The following PHAF1 variants were observed in gnomAD, a reference collection of about 807,000 sequenced individuals.
PHAF1 encodes the protein phagophore assembly factor 1, also known as phagosome assembly factor 1.
Under a neutral mutation model 63.1 loss-of-function variants are expected in PHAF1, and 23 were observed. The ratio of observed to expected loss-of-function variants is 0.36; its 90% CI spans 0.26 to 0.52. The LOEUF (loss-of-function observed/expected upper bound fraction) is 0.52. Ranked by LOEUF, PHAF1 falls within the 20% of genes least tolerant of loss-of-function variation. The pLI, the probability that PHAF1 is intolerant of heterozygous loss-of-function variation, is 0.93. For missense variants in PHAF1, 427 were observed against 517.2 expected, an observed-to-expected ratio of 0.83 and a Z score of 1.69; for synonymous variants, 167 against 185.0, an observed-to-expected ratio of 0.90 and a Z score of 0.79.
chr16:67,140,222 G>A, intron 9 of PHAF1, 105 bp downstream of exon 9: 2 of 1,378,504 alleles, frequency 1.5e-6, no homozygotes, highest in Middle Eastern at 2.6e-4. Context: ...TCTAAGTAAA[G>A]CTAATGGTAA....
intron 1 of PHAF1, among the ~76,000 whole-genome samples, chr16:67,116,577 C>A (rs758563814): frequency 3.9e-5 from 6 of 152,286 alleles, no homozygotes; most frequent in Non-Finnish European, 7.4e-5. Flanking sequence ...TGGCCACGTG[C>A]GGTGGCTCAC....
intron 8 of PHAF1, among the ~76,000 whole-genome samples, chr16:67,137,982 A>G (rs1963671468): frequency 6.6e-6 from 1 of 152,192 alleles, no homozygotes; most frequent in Non-Finnish European, 1.5e-5. Context: ...GGCTGCAGTG[A>G]TGCTTTTAAT....
chr16:67,119,837 T>C (rs771298738), intron 1 of PHAF1, among the ~76,000 whole-genome samples: 9 of 152,096 alleles, frequency 5.9e-5, no homozygotes, highest in Non-Finnish European at 8.8e-5. Flanking sequence ...CCATGCATGA[T>C]TTTTGTGATA....
chr16:67,114,365 G>T (rs1014023133), intron 1 of PHAF1, among the ~76,000 whole-genome samples: 1 of 151,558 alleles, frequency 6.6e-6, no homozygotes, highest in South Asian at 2.1e-4. Context: ...TAAAAAAAAA[G>T]AAATGATCTT....
At chr16:67,126,459 G>T (rs1458005721) in intron 3 of PHAF1, among the ~76,000 whole-genome samples, 2 of 152,172 alleles carry the variant, frequency 1.3e-5, no homozygotes, top group African/African-American at 4.8e-5. Context: ...TACCAGCAAT[G>T]AGTTGATTCT....
intron 10 of PHAF1, among the ~76,000 whole-genome samples, chr16:67,143,901 C>T (rs537085652): frequency 4.6e-5 from 7 of 151,790 alleles, no homozygotes; most frequent in East Asian, 1.9e-4. Context: ...CCAGGCTGGC[C>T]AACATGGTGA....
At chr16:67,120,269 A>G (rs1386235260) in intron 2 of PHAF1, 75 bp downstream of exon 2, 7 of 1,377,288 alleles carry the variant, frequency 5.1e-6, no homozygotes, top group Non-Finnish European at 6.1e-6. Flanking sequence ...ATGCTTTGGG[A>G]TAGGCTGACT....
Position 67,145,620 on chromosome 16 carries a change from C to T in PHAF1, c.1101C>T (p.Val367=). Residue 367 remains valine (V), a synonymous_variant, in exon 14 of 16, where the codon GTC becomes GTT. Transcript: ENST00000219139. ...LLGHPVEKPV[V]LHRSSSPNNT... is the part of the protein sequence containing the mutation. Reference sequence around the variant, plus strand: ...GCCACCCTGTGGAGAAGCCTGTTGTCCTGCACAGGTGAGTGGGAGTTTGAT... The same window carrying T: ...GCCACCCTGTGGAGAAGCCTGTTGTTCTGCACAGGTGAGTGGGAGTTTGAT... 2 of 1,613,690 alleles carry T rather than the reference C, an allele frequency of 1.2e-6. No homozygotes were observed. The highest frequency in any genetic ancestry group is 1.1e-5 in the South Asian group (1 of 91,018).
At chr16:67,123,637 G>A (rs1963072585) in intron 2 of PHAF1, among the ~76,000 whole-genome samples, 1 of 152,018 alleles carries the variant, frequency 6.6e-6, no homozygotes, top group Admixed American at 6.6e-5. Flanking sequence ...CAAACTCCTG[G>A]CTTTAAGCAT....
chr16:67,146,705 C>A (rs1317150426), intron 15 of PHAF1, among the ~76,000 whole-genome samples: 2 of 152,172 alleles, frequency 1.3e-5, no homozygotes. Flanking sequence ...GGCATGTGAA[C>A]AAATGCATTG....
rs529399786 is a variant in PHAF1 at position 67,147,141 on chromosome 16, C to G, written c.*10C>G. ...AGCGGAACTCCCCTAGGGACACCAC[C>G]ACCCATGCCCCTCTGTCCCGTGGAA... On this transcript the variant is annotated 3_prime_UTR_variant, in exon 16 of 16. Transcript: ENST00000219139. 1 of 1,597,596 alleles carries G rather than the reference C, an allele frequency of 6.3e-7. No homozygotes were observed. The highest frequency in any genetic ancestry group is 2.2e-5 in the East Asian group (1 of 44,812).
At position 67,132,519 on chromosome 16, in the gene PHAF1, C is replaced by T; in HGVS notation, c.349C>T (p.Pro117Ser). 6.2e-7 allele frequency: 1 copy of T among 1,613,904 alleles called. No individual in the cohort carries two copies. Among genetic ancestry groups the T allele is most frequent in the Non-Finnish European group, 8.5e-7 (1 of 1,179,776 alleles). Residue 117 changes from proline (P) to serine (S), a missense_variant, in exon 5 of 16, where the codon CCT becomes TCT. Transcript: ENST00000219139. Reference protein sequence around the residue: ...QIDQSFGATHPGVYNSAEQLF... With the variant: ...QIDQSFGATHSGVYNSAEQLF... ...TGACCAGTCTTTTGGCGCAACCCAT[C>T]CTGGAGGTAAGCCAAGTCCATCTGA...
At chr16:67,144,237 G>T (rs193246822) in intron 10 of PHAF1, 57 bp from the exon 11 acceptor site, 4 of 1,302,330 alleles carry the variant, frequency 3.1e-6, no homozygotes, top group East Asian at 2.3e-5. Context: ...CTTTGGAAAG[G>T]CCTCTGCCCT....
At position 67,113,066 on chromosome 16, in the gene PHAF1, G is replaced by A. The variant is rs184957169; in HGVS notation, c.64+2827G>A. On this transcript the variant is annotated intron_variant, in intron 1 of 15. Coordinates refer to ENST00000219139, the MANE Select transcript of PHAF1 (RefSeq NM_025187.5). The stretch of plus-strand genomic sequence containing the variant: ...GCCACCACAGGCTTGTAAGATAGGT[G>A]TTGTTATCTCTTTTTGCCAGGTGAG... 7.9e-5 allele frequency among the ~76,000 whole-genome samples: 12 copies of A among 152,282 alleles called. No individual in the cohort carries two copies. The East Asian group carries it at 2.3e-3, about 29-fold the overall frequency.
At chr16:67,121,319 G>A (rs1962962931) in intron 2 of PHAF1, among the ~76,000 whole-genome samples, 1 of 150,966 alleles carries the variant, frequency 6.6e-6, no homozygotes, top group Non-Finnish European at 1.5e-5. Flanking sequence ...AGCCTCCCGA[G>A]TAGCTGGGAC....
intron 2 of PHAF1, among the ~76,000 whole-genome samples, chr16:67,122,646 A>T (rs1963032045): frequency 1.3e-5 from 2 of 151,694 alleles, no homozygotes; most frequent in Non-Finnish European, 2.9e-5. Flanking sequence ...TTTCTAATTC[A>T]TGAGAGTTGT....
intron 1 of PHAF1, among the ~76,000 whole-genome samples, chr16:67,117,261 G>A (rs1962775847): frequency 1.4e-5 from 2 of 141,972 alleles, no homozygotes. Context: ...AAGCCGGCCA[G>A]GCTGGTCTCA....
intron 10 of PHAF1, among the ~76,000 whole-genome samples, chr16:67,142,293 G>A (rs996627081): frequency 1.3e-5 from 2 of 152,196 alleles, no homozygotes; most frequent in African/African-American, 4.8e-5. Context: ...CAGAAGGGAG[G>A]AAGTGCATGC....
chr16:67,112,048 G>T (rs1360595009), intron 1 of PHAF1, among the ~76,000 whole-genome samples: 1 of 152,164 alleles, frequency 6.6e-6, no homozygotes. Context: ...CTAAGAGCTT[G>T]GTTGGAAGGC....
Sources: gnomAD v4.1 joint callset for allele counts (sites outside exome capture counted in the v4.1 genomes callset) on GRCh38, gnomAD v4.1.1 for gene constraint, MANE v1.5 for transcripts, NCBI Gene and HGNC (gene_info 2026-07-23, HGNC 2026-07-21) for gene names.